COL23A1: variants seen among roughly 807,000 people sequenced by gnomAD.
COL23A1 encodes the protein collagen type XXIII alpha 1 chain.
A neutral mutation model predicts 99.3 loss-of-function variants in COL23A1; 97 were observed. The ratio of observed to expected loss-of-function variants is 0.98; its 90% CI spans 0.83 to 1.16. The LOEUF (loss-of-function observed/expected upper bound fraction) is 1.16, where lower values mean the gene tolerates loss of function less well. Among genes scored for constraint, COL23A1 ranks in the 50% most tolerant of loss-of-function variants. COL23A1 has a pLI of 0.00. For synonymous variants in COL23A1, 320 were observed against 308.2 expected (o/e 1.04, Z -0.40); for missense variants, 762 against 757.4 (o/e 1.01, Z -0.07).
chr5:178,372,631 GGT>G (rs1489065369), intron 2 of COL23A1, among the ~76,000 whole-genome samples: 3 of 152,084 alleles, frequency 2.0e-5, no homozygotes, highest in African/African-American at 7.2e-5. Flanking sequence ...GGAGTGCAGT[GGT>G]GAGGTCACAG....
intron 2 of COL23A1, among the ~76,000 whole-genome samples, chr5:178,420,407 AGATGTGACCTCCCTTCTCCCCTCCCCCG>A: frequency 2.7e-5 from 1 of 36,868 alleles, no homozygotes. Flanking sequence ...CCCCTCCCTG[AGATGTGACCTCCCTTCTCCCCTCCCCCG>A]CTCTTTCCTC....
At chr5:178,383,039 G>A (rs999175858) in intron 2 of COL23A1, among the ~76,000 whole-genome samples, 39 of 152,274 alleles carry the variant, frequency 2.6e-4, no homozygotes, top group African/African-American at 9.1e-4. Context: ...AGGAGCCAGG[G>A]GGTGTCTGTG....
rs1333005953 is a variant in COL23A1 at position 178,278,909 on chromosome 5, TG to T, written c.442-8547del. Among the ~76,000 whole-genome samples the T allele has an allele frequency of 2.0e-4, 31 of 152,316 alleles. 1 individual carries two copies. In the East Asian group the frequency reaches 4.8e-3, roughly 24 times the overall value. The stretch of plus-strand genomic sequence containing the variant: ...CAGCTGTGACGCGCTGGGCCAGCCC[TG>T]GGGTAAATGAAGCCAGGGAACAGAG... On this transcript the variant is annotated intron_variant, in intron 5 of 28. Coordinates refer to ENST00000390654, the MANE Select transcript of COL23A1 (RefSeq NM_173465.4).
chr5:178,378,423 C>T (rs1019733848), intron 2 of COL23A1, among the ~76,000 whole-genome samples: 4 of 152,108 alleles, frequency 2.6e-5, no homozygotes, highest in East Asian at 1.9e-4. Flanking sequence ...GTACTTCTGC[C>T]GCTGACTGGA....
At chr5:178,343,651 TTATA>T (rs142183875) in intron 2 of COL23A1, among the ~76,000 whole-genome samples, 9 of 127,142 alleles carry the variant, frequency 7.1e-5, no homozygotes, top group African/African-American at 2.6e-4. Flanking sequence ...AATTTTTCCA[TTATA>T]TATATATATT....
chr5:178,362,559 C>T (rs1282857166), intron 2 of COL23A1, among the ~76,000 whole-genome samples: 1 of 152,184 alleles, frequency 6.6e-6, no homozygotes, highest in Non-Finnish European at 1.5e-5. Context: ...CCTCTCCCAC[C>T]CACCCTTGCC....
At chr5:178,471,259 G>C (rs1756734829) in intron 2 of COL23A1, among the ~76,000 whole-genome samples, 1 of 148,378 alleles carries the variant, frequency 6.7e-6, no homozygotes, top group African/African-American at 2.5e-5. Flanking sequence ...CTTTTTTTTT[G>C]AGACAGAGTC....
At chr5:178,543,730 C>T (rs1428517646) in intron 2 of COL23A1, among the ~76,000 whole-genome samples, 3 of 152,160 alleles carry the variant, frequency 2.0e-5, no homozygotes, top group African/African-American at 7.2e-5. Context: ...TTAGCCTGTT[C>T]ATGCTGCTAT....
chr5:178,531,018 C>A lies in COL23A1; in HGVS notation c.361+29664G>T, dbSNP rs571245563. Among the ~76,000 whole-genome samples the A allele has an allele frequency of 4.7e-4, 71 of 152,282 alleles. 2 individuals carry two copies. In the South Asian group the frequency reaches 0.015, roughly 32 times the overall value. Reference sequence around the variant, plus strand: ...AAGTAGCTGGGATTACAGGCACGCGCCACCACGCCTGGCTAATTTTGTATT... The same window carrying A: ...AAGTAGCTGGGATTACAGGCACGCGACACCACGCCTGGCTAATTTTGTATT... On this transcript the variant is annotated intron_variant, in intron 2 of 28. Transcript: ENST00000390654.
chr5:178,317,432 G>A (rs1759039310), intron 2 of COL23A1, among the ~76,000 whole-genome samples: 3 of 152,226 alleles, frequency 2.0e-5, no homozygotes, highest in Admixed American at 1.3e-4. Context: ...CCCTAGAATT[G>A]TTAGATTCAG....
chr5:178,579,341 C>G (rs980502046), intron 1 of COL23A1, among the ~76,000 whole-genome samples: 1 of 152,138 alleles, frequency 6.6e-6, no homozygotes, highest in Non-Finnish European at 1.5e-5. Context: ...TACTATAATC[C>G]CTGTTTAACA....
intron 3 of COL23A1, among the ~76,000 whole-genome samples, chr5:178,300,439 ATATGCCATCC>A (rs1166700146): frequency 6.6e-6 from 1 of 152,144 alleles, no homozygotes; most frequent in Non-Finnish European, 1.5e-5. Context: ...CATTTATTGA[ATATGCCATCC>A]TACTGCCGTT....
At chr5:178,278,310 C>T (rs1237668959) in intron 5 of COL23A1, among the ~76,000 whole-genome samples, 1 of 152,112 alleles carries the variant, frequency 6.6e-6, no homozygotes, top group Non-Finnish European at 1.5e-5. Context: ...GAGAGCTGCC[C>T]CCTAGGCTGT....
intron 2 of COL23A1, among the ~76,000 whole-genome samples, chr5:178,334,621 A>G (rs1183195450): frequency 1.3e-5 from 2 of 152,196 alleles, no homozygotes; most frequent in African/African-American, 4.8e-5. Context: ...TCCCTTACAC[A>G]TGGGAAATCT....
chr5:178,456,468 CT>C (rs1767801345), intron 2 of COL23A1, among the ~76,000 whole-genome samples: 3 of 152,120 alleles, frequency 2.0e-5, no homozygotes, highest in Non-Finnish European at 2.9e-5. Context: ...AGAGGCTGAG[CT>C]GGGCGGATCA....
chr5:178,347,892 AAAAAAC>A lies in COL23A1; in HGVS notation c.362-40979_362-40974del, dbSNP rs1482456271. On this transcript the variant is annotated intron_variant, in intron 2 of 28. Coordinates refer to ENST00000390654, the MANE Select transcript of COL23A1 (RefSeq NM_173465.4). The stretch of plus-strand genomic sequence containing the variant: ...AAGACTCTGTCTCAAAAAAAAAAAA[AAAAAAC>A]CCAAAAAAACAAAACAAAAAAAAAA... Among the ~76,000 whole-genome samples the A allele has an allele frequency of 6.8e-5, 3 of 44,008 alleles. 1 individual carries two copies. Among genetic ancestry groups the A allele is most frequent in the African/African-American group, 1.1e-4 (1 of 9,138 alleles). 28.9% of individuals were successfully genotyped at this position (44,008 alleles called of 152,430 possible).
chr5:178,578,049 GCA>G (rs1426805108), intron 1 of COL23A1, among the ~76,000 whole-genome samples: 1 of 150,850 alleles, frequency 6.6e-6, no homozygotes, highest in African/African-American at 2.5e-5. Flanking sequence ...ACACGTGCAT[GCA>G]CACACCCACA....
At chr5:178,506,538 G>A (rs1758883153) in intron 2 of COL23A1, among the ~76,000 whole-genome samples, 1 of 152,228 alleles carries the variant, frequency 6.6e-6, no homozygotes. Flanking sequence ...GTGGGAGGTG[G>A]GAAGTAGGGT....
chr5:178,542,729 G>C (rs560288118), intron 2 of COL23A1, among the ~76,000 whole-genome samples: 1 of 152,290 alleles, frequency 6.6e-6, no homozygotes, highest in South Asian at 2.1e-4. Context: ...GCTCTGGGGA[G>C]AGTTCCCTCT....
Sources: gnomAD v4.1 joint callset for allele counts (sites outside exome capture counted in the v4.1 genomes callset) on GRCh38, gnomAD v4.1.1 for gene constraint, MANE v1.5 for transcripts, NCBI Gene and HGNC (gene_info 2026-07-23, HGNC 2026-07-21) for gene names.